EEPD1: variants seen among roughly 807,000 people sequenced by gnomAD.
EEPD1 encodes endonuclease/exonuclease/phosphatase family domain containing 1, also known as endonuclease/exonuclease/phosphatase family domain-containing protein 1.
EEPD1 carries 17 observed loss-of-function variants against 46.3 expected under a neutral mutation model. The observed-to-expected ratio is 0.37, with a 90% CI of 0.25 to 0.55. The LOEUF (loss-of-function observed/expected upper bound fraction) is 0.55, where lower values mean the gene tolerates loss of function less well. Among genes scored for constraint, EEPD1 ranks in the 20% least tolerant of loss-of-function variants. EEPD1 has a pLI of 0.83. For synonymous variants in EEPD1, 313 were observed against 315.6 expected (o/e 0.99, Z 0.09); for missense variants, 673 against 745.6 (o/e 0.90, Z 1.13).
At chr7:36,199,694 G>T (rs924868118) in intron 2 of EEPD1, among the ~76,000 whole-genome samples, 2 of 152,108 alleles carry the variant, frequency 1.3e-5, no homozygotes, top group African/African-American at 4.8e-5. Flanking sequence ...TAAAATGGGG[G>T]TAAGACCTCT....
At chr7:36,223,180 A>AAGTAATAATAAGAAATAAATTTTAACAC (rs1562692576) in intron 2 of EEPD1, among the ~76,000 whole-genome samples, 1 of 152,070 alleles carries the variant, frequency 6.6e-6, no homozygotes, top group East Asian at 1.9e-4. Flanking sequence ...AAATAAATAA[A>AAGTAATAATAAGAAATAAATTTTAACAC]AGTAATAATA....
intron 2 of EEPD1, among the ~76,000 whole-genome samples, chr7:36,216,070 A>C (rs1388124114): frequency 1.3e-5 from 2 of 152,110 alleles, no homozygotes; most frequent in Non-Finnish European, 2.9e-5. Context: ...GTGGGCCCCC[A>C]TATAAAACCT....
At chr7:36,249,324 C>T (rs1432853189) in intron 3 of EEPD1, among the ~76,000 whole-genome samples, 1 of 152,156 alleles carries the variant, frequency 6.6e-6, no homozygotes, top group East Asian at 1.9e-4. Context: ...GGGCAGGTGA[C>T]ATGGTGCTGG....
intron 4 of EEPD1, among the ~76,000 whole-genome samples, chr7:36,283,788 G>T (rs1787297980): frequency 6.6e-6 from 1 of 152,216 alleles, no homozygotes; most frequent in African/African-American, 2.4e-5. Context: ...GGACTTTGTG[G>T]TGGCTGCTCA....
chr7:36,165,651 A>T (rs575944990), intron 2 of EEPD1, among the ~76,000 whole-genome samples: 1 of 148,288 alleles, frequency 6.7e-6, no homozygotes, highest in African/African-American at 2.5e-5. Flanking sequence ...GTTGACCAGG[A>T]TGGTCTCGAT....
chr7:36,170,043 C>A (rs1477416659), intron 2 of EEPD1, among the ~76,000 whole-genome samples: 1 of 152,184 alleles, frequency 6.6e-6, no homozygotes, highest in African/African-American at 2.4e-5. Context: ...CAGGAAATAA[C>A]CTTGAAGGAA....
intron 3 of EEPD1, among the ~76,000 whole-genome samples, chr7:36,242,332 G>A (rs927191753): frequency 6.6e-6 from 1 of 151,848 alleles, no homozygotes; most frequent in Admixed American, 6.6e-5. Flanking sequence ...TGATGATTTT[G>A]TATTGTTCCC....
chr7:36,207,283 A>G (rs1785838446), intron 2 of EEPD1, among the ~76,000 whole-genome samples: 1 of 152,036 alleles, frequency 6.6e-6, no homozygotes, highest in Non-Finnish European at 1.5e-5. Context: ...AGAAACCTTT[A>G]ATCTGCCCAT....
intron 2 of EEPD1, among the ~76,000 whole-genome samples, chr7:36,221,710 A>T (rs903276012): frequency 2.6e-5 from 4 of 152,252 alleles, no homozygotes; most frequent in Non-Finnish European, 5.9e-5. Context: ...GGTAAGAATC[A>T]TGTATGAGGT....
chr7:36,241,430 A>G lies in EEPD1; in HGVS notation c.930+2394A>G, dbSNP rs1786552107. The stretch of plus-strand genomic sequence containing the variant: ...GGAGGTTGCAGTGAGCTGAGATTGC[A>G]CCATTGCACTCCAGCCTGGGCAGCA... On this transcript the variant is annotated intron_variant, in intron 3 of 7. Transcript: ENST00000242108. 2.0e-5 allele frequency among the ~76,000 whole-genome samples: 3 copies of G among 152,122 alleles called. No individual in the cohort carries two copies. In the South Asian group the frequency reaches 6.2e-4, roughly 32 times the overall value.
chr7:36,226,083 C>A (rs1165967633), intron 2 of EEPD1, among the ~76,000 whole-genome samples: 1 of 152,058 alleles, frequency 6.6e-6, no homozygotes. Flanking sequence ...ATTGTTCTTA[C>A]AATAAACTAT....
chr7:36,255,829 A>T (rs550497953), intron 3 of EEPD1, among the ~76,000 whole-genome samples: 1 of 150,132 alleles, frequency 6.7e-6, no homozygotes, highest in Admixed American at 6.7e-5. Context: ...ATCTCCTTCA[A>T]TTCTTCTCTT....
intron 2 of EEPD1, among the ~76,000 whole-genome samples, chr7:36,205,352 C>T (rs1785792482): frequency 6.6e-6 from 1 of 152,190 alleles, no homozygotes; most frequent in African/African-American, 2.4e-5. Context: ...ATTTAATAGA[C>T]AAACAATGTA....
chr7:36,206,164 A>G (rs1223462317), intron 2 of EEPD1, among the ~76,000 whole-genome samples: 1 of 151,850 alleles, frequency 6.6e-6, no homozygotes, highest in East Asian at 1.9e-4. Flanking sequence ...TAGCCGAGAC[A>G]TAGGATTTTA....
intron 2 of EEPD1, among the ~76,000 whole-genome samples, chr7:36,191,060 A>G (rs1225607514): frequency 6.6e-6 from 1 of 152,212 alleles, no homozygotes; most frequent in Non-Finnish European, 1.5e-5. Context: ...TTATTTGCTC[A>G]TTTGGGCCAG....
At chr7:36,196,915 C>G (rs961398112) in intron 2 of EEPD1, among the ~76,000 whole-genome samples, 4 of 151,054 alleles carry the variant, frequency 2.6e-5, no homozygotes, top group Non-Finnish European at 5.9e-5. Flanking sequence ...GCTGCCCAGT[C>G]TGGAAAGTGA....
At chr7:36,251,939 G>A (rs990784743) in intron 3 of EEPD1, among the ~76,000 whole-genome samples, 19 of 152,206 alleles carry the variant, frequency 1.2e-4, no homozygotes, top group African/African-American at 3.6e-4. Flanking sequence ...TAATTTTGCA[G>A]CCACTTAGAC....
Position 36,153,477 on chromosome 7 carries a change from C to G in EEPD1, c.-390C>G, listed in dbSNP as rs774719316. On this transcript the variant is annotated 5_prime_UTR_variant, in exon 1 of 8. Coordinates refer to ENST00000242108, the MANE Select transcript of EEPD1 (RefSeq NM_030636.3). ...GCGGCTTCTATTCACTCTGGGAGAG[C>G]GATGCTAAGTTTCTCCCATAGAAAG... 3 of 152,192 alleles carry G rather than the reference C, an allele frequency of 2.0e-5. No individual in the cohort carries two copies. The highest frequency in any genetic ancestry group is 2.1e-4 in the South Asian group (1 of 4,838). The allele number at this position is 152,192 out of a possible 1,614,324, so 9.4% of individuals were successfully genotyped here.
intron 2 of EEPD1, among the ~76,000 whole-genome samples, chr7:36,217,500 C>A (rs956650388): frequency 6.6e-6 from 1 of 152,178 alleles, no homozygotes; most frequent in Admixed American, 6.5e-5. Context: ...GTCTTCATGA[C>A]CTGTATCTTG....
Sources: allele counts gnomAD v4.1 joint callset (sites outside exome capture counted in the v4.1 genomes callset), GRCh38; gene constraint gnomAD v4.1.1; transcripts MANE v1.5; gene names NCBI Gene and HGNC (gene_info 2026-07-23, HGNC 2026-07-21).